Variants in APBB2 observed in about 807,000 individuals in gnomAD.
The protein encoded by APBB2 is Fe65-like 1.
APBB2 carries 38 observed loss-of-function variants against 82.5 expected under a neutral mutation model. The observed-to-expected ratio is 0.46, with a 90% CI of 0.36 to 0.60. The LOEUF (loss-of-function observed/expected upper bound fraction) is 0.60. Ranked by LOEUF, APBB2 falls within the 20% of genes least tolerant of loss-of-function variation. The pLI, the probability that APBB2 is intolerant of heterozygous loss-of-function variation, is 0.00. For synonymous variants in APBB2, 341 were observed against 368.2 expected (o/e 0.93, Z 0.85); for missense variants, 772 against 972.3 (o/e 0.79, Z 2.74).
intron 1 of APBB2, among the ~76,000 whole-genome samples, chr4:41,171,228 C>G (rs1397937901): frequency 6.6e-6 from 1 of 152,178 alleles, no homozygotes; most frequent in Non-Finnish European, 1.5e-5. Context: ...TCACTTTACA[C>G]ATGTGCTGAA....
At chr4:40,902,045 G>GT (rs1392450780) in intron 10 of APBB2, among the ~76,000 whole-genome samples, 2 of 152,066 alleles carry the variant, frequency 1.3e-5, no homozygotes, top group Non-Finnish European at 2.9e-5. Context: ...CTTGAAAACT[G>GT]TGACTTTAAG....
At chr4:41,174,439 T>A (rs1051786478) in intron 1 of APBB2, among the ~76,000 whole-genome samples, 5 of 152,024 alleles carry the variant, frequency 3.3e-5, no homozygotes, top group Non-Finnish European at 7.4e-5. Flanking sequence ...GCATCCTACA[T>A]CAGAACATGA....
At chr4:41,081,130 CAAGT>C (rs1482919425) in intron 3 of APBB2, among the ~76,000 whole-genome samples, 1 of 152,152 alleles carries the variant, frequency 6.6e-6, no homozygotes, top group African/African-American at 2.4e-5. Context: ...CACAGCTGTC[CAAGT>C]GAGTTACACT....
intron 6 of APBB2, among the ~76,000 whole-genome samples, chr4:40,975,355 C>T (rs1321282245): frequency 1.3e-5 from 2 of 152,142 alleles, no homozygotes; most frequent in African/African-American, 4.8e-5. Context: ...AGGCTTTCAC[C>T]CTTTTTTTGG....
At chr4:41,195,277 A>C in intron 1 of APBB2, among the ~76,000 whole-genome samples, 6 of 152,114 alleles carry the variant, frequency 3.9e-5, no homozygotes, top group Non-Finnish European at 8.8e-5. Context: ...AATCCCCACC[A>C]AAACCAGCTC....
intron 2 of APBB2, among the ~76,000 whole-genome samples, chr4:41,115,591 A>G (rs1750705476): frequency 6.6e-6 from 1 of 152,212 alleles, no homozygotes; most frequent in African/African-American, 2.4e-5. Context: ...AAGGGCTAAT[A>G]TTCAAAATCT....
intron 10 of APBB2, among the ~76,000 whole-genome samples, chr4:40,894,045 T>C (rs1014047138): frequency 3.3e-5 from 5 of 151,484 alleles, no homozygotes; most frequent in African/African-American, 1.2e-4. Flanking sequence ...TCCCAGCACT[T>C]TGGGAGGCCG....
chr4:40,869,539 G>A (rs958914444), intron 12 of APBB2, among the ~76,000 whole-genome samples: 5 of 152,016 alleles, frequency 3.3e-5, no homozygotes, highest in Non-Finnish European at 7.3e-5. Flanking sequence ...AGTGAGCTAT[G>A]ATCCTGCCAC....
chr4:40,992,229 G>A (rs1391969903), intron 6 of APBB2, among the ~76,000 whole-genome samples: 1 of 152,178 alleles, frequency 6.6e-6, no homozygotes, highest in African/African-American at 2.4e-5. Flanking sequence ...CTGGAAGCCA[G>A]TGGCATAATT....
At chr4:41,172,429 A>T (rs961707730) in intron 1 of APBB2, among the ~76,000 whole-genome samples, 3 of 152,064 alleles carry the variant, frequency 2.0e-5, no homozygotes, top group African/African-American at 7.2e-5. Flanking sequence ...TTCTCTCACC[A>T]ACCTCGGGGA....
chr4:41,149,685 GT>G (rs1471841160), intron 1 of APBB2, among the ~76,000 whole-genome samples: 2 of 152,168 alleles, frequency 1.3e-5, no homozygotes, highest in African/African-American at 4.8e-5. Flanking sequence ...ATTTGACTGT[GT>G]CCCCACCCAA....
chr4:40,910,000 A>G (rs1778107026), intron 10 of APBB2, among the ~76,000 whole-genome samples: 1 of 152,238 alleles, frequency 6.6e-6, no homozygotes, highest in Admixed American at 6.5e-5. Flanking sequence ...GTAAATAAAC[A>G]GCAGAGCTAG....
intron 1 of APBB2, among the ~76,000 whole-genome samples, chr4:41,167,121 A>G (rs897757447): frequency 4.6e-5 from 7 of 152,206 alleles, no homozygotes; most frequent in African/African-American, 1.7e-4. Context: ...CAAAAAGGAT[A>G]TAACTCATGA....
chr4:41,110,643 T>C (rs924722285), intron 2 of APBB2, among the ~76,000 whole-genome samples: 1 of 151,610 alleles, frequency 6.6e-6, no homozygotes, highest in South Asian at 2.1e-4. Context: ...ATCCTTATCA[T>C]GTACTGACAA....
At chr4:40,974,000 C>T (rs151011289) in intron 6 of APBB2, among the ~76,000 whole-genome samples, 1,805 of 152,018 alleles carry the variant, frequency 0.012, 37 homozygotes, top group African/African-American at 0.042. Context: ...TACAGGCACG[C>T]GCCACCACAC....
At chr4:41,120,477 G>C (rs1752481959) in intron 2 of APBB2, among the ~76,000 whole-genome samples, 2 of 152,202 alleles carry the variant, frequency 1.3e-5, no homozygotes, top group African/African-American at 4.8e-5. Flanking sequence ...CCTCGTTCCA[G>C]TGCTTCAAAA....
At chr4:40,855,508 G>A (rs1321411932) in intron 12 of APBB2, among the ~76,000 whole-genome samples, 2 of 152,144 alleles carry the variant, frequency 1.3e-5, no homozygotes, top group Admixed American at 6.5e-5. Context: ...ACCGAGGCAG[G>A]TGGATCACCC....
chr4:40,823,819 G>GAAGT, intron 15 of APBB2, 60 bp from the exon 16 acceptor site: 1 of 1,095,588 alleles, frequency 9.1e-7, no homozygotes, highest in Non-Finnish European at 1.4e-6. Flanking sequence ...CTCAAATGTG[G>GAAGT]GCCCAAATCA....
intron 12 of APBB2, among the ~76,000 whole-genome samples, chr4:40,879,038 T>C (rs968187185): frequency 2.0e-5 from 3 of 152,118 alleles, no homozygotes; most frequent in East Asian, 3.8e-4. Context: ...AGGCCACTTT[T>C]TGGGGAATAG....
Sources: gnomAD v4.1 joint callset for allele counts (sites outside exome capture counted in the v4.1 genomes callset) on GRCh38, gnomAD v4.1.1 for gene constraint, MANE v1.5 for transcripts, NCBI Gene and HGNC (gene_info 2026-07-23, HGNC 2026-07-21) for gene names.